Variants in RPH3AL observed in about 807,000 individuals in gnomAD.
RPH3AL encodes the protein rabphilin 3A like (without C2 domains).
Under a neutral mutation model 43.1 loss-of-function variants are expected in RPH3AL, and 38 were observed. The ratio of observed to expected loss-of-function variants is 0.88; its 90% confidence interval spans 0.68 to 1.15. The LOEUF (loss-of-function observed/expected upper bound fraction) is 1.15, where lower values mean the gene tolerates loss of function less well. Among genes scored for constraint, RPH3AL ranks in the 50% most tolerant of loss-of-function variants. The pLI, the probability that RPH3AL is intolerant of heterozygous loss-of-function variation, is 0.00. For synonymous variants in RPH3AL, 189 were observed against 176.3 expected, an observed-to-expected ratio of 1.07 and a Z score of -0.57; for missense variants, 462 against 423.2, an observed-to-expected ratio of 1.09 and a Z score of -0.81.
At position 327,498 on chromosome 17, in the gene RPH3AL, G is replaced by C. The variant is rs756923877; in HGVS notation, c.46C>G (p.Pro16Ala). The C allele has an allele frequency of 6.2e-7, 1 of 1,613,988 alleles. No individual in the cohort carries two copies. Among genetic ancestry groups the C allele is most frequent in the Non-Finnish European group, 8.5e-7 (1 of 1,179,984 alleles). ...FGSGNDQWVC[P>A]NDRQLALRAK... ...CGAAGGGCAAGCTGCCGGTCATTGG[G>C]GCAAACCCACTGATCATTCCCGCTG... The change falls in exon 3 of 10, where the codon CCC (proline) becomes GCC (alanine). Residue 16 changes from proline to alanine, a missense_variant. By Grantham distance (27) the Pro-to-Ala change is conservative. Transcript: ENST00000331302.
chr17:314,572 T>A (rs2043813553), intron 5 of RPH3AL, among the ~76,000 whole-genome samples: 1 of 141,706 alleles, frequency 7.1e-6, no homozygotes, highest in African/African-American at 2.6e-5. Context: ...CCACCTCCAC[T>A]GACAGGCAGT....
At chr17:321,497 C>A in intron 3 of RPH3AL, 82 bp from the exon 4 acceptor site, 1 of 1,431,086 alleles carries the variant, frequency 7.0e-7, no homozygotes, top group Non-Finnish European at 9.2e-7. Flanking sequence ...CCAAGCCCCC[C>A]CGAGAACAGT....
intron 5 of RPH3AL, among the ~76,000 whole-genome samples, chr17:282,863 A>G (rs2042814340): frequency 6.6e-6 from 1 of 152,224 alleles, no homozygotes. Context: ...ATCTAAATAT[A>G]TCATAGAAAT....
At chr17:294,398 G>A (rs1270943022) in intron 5 of RPH3AL, among the ~76,000 whole-genome samples, 1 of 152,334 alleles carries the variant, frequency 6.6e-6, no homozygotes, top group Middle Eastern at 3.4e-3. Context: ...AGGCTGCAGT[G>A]AGTTGTGATT....
At chr17:270,819 C>A (rs1253421990) in intron 6 of RPH3AL, among the ~76,000 whole-genome samples, 1 of 152,050 alleles carries the variant, frequency 6.6e-6, no homozygotes, top group Non-Finnish European at 1.5e-5. Context: ...GTTGCCATTG[C>A]TTTTGGTGTT....
At chr17:221,892 A>G (rs868765050) in intron 7 of RPH3AL, among the ~76,000 whole-genome samples, 21 of 96,724 alleles carry the variant, frequency 2.2e-4, no homozygotes, top group South Asian at 8.1e-4. Context: ...AGACCCAAGC[A>G]CATCAGCTCT....
intron 6 of RPH3AL, among the ~76,000 whole-genome samples, chr17:261,534 A>G (rs1237788910): frequency 6.6e-6 from 1 of 152,208 alleles, no homozygotes; most frequent in Non-Finnish European, 1.5e-5. Context: ...AGTCTATGGT[A>G]TGTTGTTATG....
intron 5 of RPH3AL, among the ~76,000 whole-genome samples, chr17:298,014 G>C (rs773104163): frequency 6.6e-6 from 1 of 151,930 alleles, no homozygotes; most frequent in East Asian, 1.9e-4. Context: ...AGCCCACCAC[G>C]CCAGCCCCAC....
In RPH3AL at chr17:295,141, A is replaced by G. The variant is rs577541963; in HGVS notation, c.352-13287T>C. On this transcript the variant is annotated intron_variant, in intron 5 of 9. Coordinates refer to ENST00000331302, the MANE Select transcript of RPH3AL (RefSeq NM_006987.4). The stretch of plus-strand genomic sequence containing the variant: ...GAATGCACATCAGTGTGGGAGGGAC[A>G]GAGGGAATGCACATCAGTGTGGGAG... 4.3e-5 allele frequency among the ~76,000 whole-genome samples: 6 copies of G among 140,800 alleles called. No homozygotes were observed. In the East Asian group the frequency reaches 1.4e-3, roughly 33 times the overall value. The allele number at this position is 140,800 out of a possible 152,430, so 92.4% of individuals were successfully genotyped here.
intron 3 of RPH3AL, 181 bp from the exon 4 acceptor site, chr17:321,596 A>ACAGAGACGGCCCAGGTGGCAG (rs1567521660): frequency 2.6e-5 from 13 of 507,174 alleles, no homozygotes; most frequent in Non-Finnish European, 3.9e-5. Context: ...CCAGGTGGCA[A>ACAGAGACGGCCCAGGTGGCAG]CAGAGACGGC....
intron 6 of RPH3AL, among the ~76,000 whole-genome samples, chr17:272,971 ACCCCAGCAAGGGCTACGTCAGGGTGAG>A (rs2042525319): frequency 1.9e-5 from 2 of 103,980 alleles, no homozygotes; most frequent in African/African-American, 5.7e-5. Context: ...TCAGGGTGAG[ACCCCAGCAAGGGCTACGTCAGGGTGAG>A]ACCCCAGCGA....
intron 1 of RPH3AL, among the ~76,000 whole-genome samples, chr17:335,474 G>T (rs527355049): frequency 2.0e-5 from 3 of 152,102 alleles, no homozygotes; most frequent in African/African-American, 4.8e-5. Flanking sequence ...GCACGGCCCG[G>T]CCAAGAGTGG....
In RPH3AL at chr17:290,516, A is replaced by G. The variant is rs1224978829; in HGVS notation, c.352-8662T>C. 1.3e-5 allele frequency among the ~76,000 whole-genome samples: 2 copies of G among 151,986 alleles called. No homozygotes were observed. Among genetic ancestry groups the G allele is most frequent in the African/African-American group, 4.8e-5 (2 of 41,376 alleles). ...CAAGGCCTGATCAGGCACCTTCCTC[A>G]ATGTCCTTCTTATCCAGGGCCACTT... On this transcript the variant is annotated intron_variant, in intron 5 of 9. Coordinates refer to ENST00000331302, the MANE Select transcript of RPH3AL (RefSeq NM_006987.4). This position sits in a 1 kb window ranked among gnomAD's most constrained non-coding sequence, Gnocchi z 4.2.
intron 8 of RPH3AL, among the ~76,000 whole-genome samples, chr17:218,955 C>T (rs1803935890): frequency 6.6e-6 from 1 of 152,124 alleles, no homozygotes; most frequent in African/African-American, 2.4e-5. Context: ...GGAACGCTCA[C>T]AGGTGGGCAT....
intron 6 of RPH3AL, among the ~76,000 whole-genome samples, chr17:271,751 AC>A (rs1157227202): frequency 6.6e-6 from 1 of 152,118 alleles, no homozygotes; most frequent in Non-Finnish European, 1.5e-5. Flanking sequence ...CTAATTGAAT[AC>A]CCTTTATTTC....
chr17:305,793 T>C (rs1485539958), intron 5 of RPH3AL, among the ~76,000 whole-genome samples: 1 of 151,954 alleles, frequency 6.6e-6, no homozygotes, highest in East Asian at 1.9e-4. Context: ...CATCGCCCCA[T>C]GACATCCGCC....
intron 6 of RPH3AL, among the ~76,000 whole-genome samples, chr17:251,499 T>G (rs913642137): frequency 6.6e-6 from 1 of 152,192 alleles, no homozygotes; most frequent in Non-Finnish European, 1.5e-5. Context: ...CCCCAGAGTC[T>G]CACCCAACAG....
chr17:278,129 G>C (rs1210440803), intron 6 of RPH3AL, among the ~76,000 whole-genome samples: 4 of 152,098 alleles, frequency 2.6e-5, no homozygotes, highest in African/African-American at 9.7e-5. Context: ...TTGTGGGAGG[G>C]ACCCAGTGGG....
chr17:240,915 C>T (rs545131463), intron 7 of RPH3AL, among the ~76,000 whole-genome samples: 4 of 151,582 alleles, frequency 2.6e-5, no homozygotes, highest in East Asian at 1.9e-4. Flanking sequence ...AAAATGAGCT[C>T]GGCGTGTAGC....
Sources: gnomAD v4.1 joint callset for allele counts (sites outside exome capture counted in the v4.1 genomes callset) on GRCh38, gnomAD v4.1.1 for gene constraint, Gnocchi (gnomAD v3.1) non-coding constraint, MANE v1.5 for transcripts, NCBI Gene and HGNC (gene_info 2026-07-23, HGNC 2026-07-21) for gene names.